FRMD5: variants seen among roughly 807,000 people sequenced by gnomAD.
FRMD5 encodes FERM domain-containing protein 5.
Under a neutral mutation model 69.0 loss-of-function variants are expected in FRMD5, and 20 were observed. That is an observed-to-expected ratio of 0.29 (90% CI 0.20 to 0.42). FRMD5 has a LOEUF of 0.42. Among genes scored for constraint, FRMD5 ranks in the 10% least tolerant of loss-of-function variants. The pLI is 1.00. For missense variants in FRMD5, 595 were observed against 708.6 expected, an observed-to-expected ratio of 0.84 and a Z score of 1.82; for synonymous variants, 271 against 260.1, an observed-to-expected ratio of 1.04 and a Z score of -0.40.
intron 1 of FRMD5, among the ~76,000 whole-genome samples, chr15:43,996,540 G>A (rs1161761510): frequency 6.6e-6 from 1 of 152,078 alleles, no homozygotes; most frequent in Non-Finnish European, 1.5e-5. Context: ...TCTTGTGAAG[G>A]TATTTTCATG....
chr15:44,035,470 G>A (rs977346488), intron 1 of FRMD5, among the ~76,000 whole-genome samples: 3 of 152,154 alleles, frequency 2.0e-5, no homozygotes, highest in African/African-American at 7.2e-5. Flanking sequence ...CAAACACACA[G>A]TATCCTGGAT....
At chr15:44,058,610 C>T (rs980796175) in intron 1 of FRMD5, among the ~76,000 whole-genome samples, 6 of 151,994 alleles carry the variant, frequency 3.9e-5, no homozygotes, top group South Asian at 2.1e-4. Context: ...CACAGTGAAA[C>T]CCCGTCTCTA....
chr15:43,963,102 C>G (rs1276231563), intron 1 of FRMD5, among the ~76,000 whole-genome samples: 5 of 152,222 alleles, frequency 3.3e-5, no homozygotes, highest in Non-Finnish European at 7.4e-5. Flanking sequence ...AAGAAACCAC[C>G]ATCAGAGTGA....
At chr15:43,947,273 A>G (rs879261745) in intron 1 of FRMD5, among the ~76,000 whole-genome samples, 2 of 152,220 alleles carry the variant, frequency 1.3e-5, no homozygotes, top group Non-Finnish European at 2.9e-5. Flanking sequence ...GAAGAATATT[A>G]GCTAGGAAAT....
chr15:43,961,120 T>C (rs1283237909), intron 1 of FRMD5, among the ~76,000 whole-genome samples: 1 of 151,982 alleles, frequency 6.6e-6, no homozygotes, highest in Non-Finnish European at 1.5e-5. Context: ...CAGGAGCTGG[T>C]TTTTTGAAAA....
intron 2 of FRMD5, among the ~76,000 whole-genome samples, chr15:43,923,031 A>G (rs183891800): frequency 7.0e-4 from 106 of 152,228 alleles, no homozygotes; most frequent in African/African-American, 2.6e-3. Flanking sequence ...TTACCTCTCT[A>G]CTTTGGTGGG....
chr15:43,954,298 G>C (rs1049649724), intron 1 of FRMD5, among the ~76,000 whole-genome samples: 1 of 152,202 alleles, frequency 6.6e-6, no homozygotes. Context: ...AGGCCTGCTG[G>C]AGGGCTGAGA....
At chr15:43,880,262 A>T (rs1223748798) in intron 13 of FRMD5, among the ~76,000 whole-genome samples, 4 of 152,180 alleles carry the variant, frequency 2.6e-5, no homozygotes, top group Non-Finnish European at 5.9e-5. Flanking sequence ...TATAGAAAAG[A>T]AAGTCTTTGG....
At chr15:44,051,160 T>A (rs1892647633) in intron 1 of FRMD5, among the ~76,000 whole-genome samples, 1 of 130,254 alleles carries the variant, frequency 7.7e-6, no homozygotes, top group Non-Finnish European at 1.6e-5. Flanking sequence ...TTTTTTTTTT[T>A]TTTTTTTTTG....
chr15:44,180,212 CAA>C (rs1284978919), intron 1 of FRMD5, among the ~76,000 whole-genome samples: 1 of 152,018 alleles, frequency 6.6e-6, no homozygotes, highest in Non-Finnish European at 1.5e-5. Flanking sequence ...TAATTACAGA[CAA>C]TATCATTTTT....
chr15:43,876,105 T>G, intron 13 of FRMD5: 1 of 1,432,764 alleles, frequency 7.0e-7, no homozygotes. Flanking sequence ...TTTGCCATGT[T>G]TTTCCCATAG....
chr15:44,145,999 CACTTT>C (rs1253867778), intron 1 of FRMD5, among the ~76,000 whole-genome samples: 1 of 152,106 alleles, frequency 6.6e-6, no homozygotes, highest in African/African-American at 2.4e-5. Flanking sequence ...ATTGAACTTT[CACTTT>C]AAACTTTTTA....
intron 1 of FRMD5, among the ~76,000 whole-genome samples, chr15:44,177,201 A>G (rs1227825139): frequency 6.6e-6 from 1 of 152,180 alleles, no homozygotes; most frequent in Non-Finnish European, 1.5e-5. Context: ...ATACTTCCAC[A>G]CAAAAACTTG....
intron 1 of FRMD5, among the ~76,000 whole-genome samples, chr15:43,955,813 A>ATT (rs769415364): frequency 6.8e-6 from 1 of 146,324 alleles, no homozygotes; most frequent in African/African-American, 2.5e-5. Context: ...CACTTCAGAG[A>ATT]TTTTTTTTTT....
chr15:43,948,322 T>C (rs1375738570), intron 1 of FRMD5, among the ~76,000 whole-genome samples: 1 of 152,182 alleles, frequency 6.6e-6, no homozygotes, highest in Non-Finnish European at 1.5e-5. Context: ...ACTGTTAGGA[T>C]ATAGTGGTAG....
Position 44,073,973 on chromosome 15 carries a change from A to C in FRMD5, c.102+120980T>G, listed in dbSNP as rs148919953. Among the ~76,000 whole-genome samples, 732 of 152,276 alleles carry C rather than the reference A, an allele frequency of 4.8e-3. 12 individuals are homozygous for C. The highest frequency in any genetic ancestry group is 0.017 in the African/African-American group (700 of 41,550). ...TCTGTCCAAATTTATGTTAACAGTAATCCAACACCATGTATTCTTAAAAAG... is the reference window on the plus strand; with the variant it reads ...TCTGTCCAAATTTATGTTAACAGTACTCCAACACCATGTATTCTTAAAAAG... On this transcript the variant is annotated intron_variant, in intron 1 of 13. Transcript: ENST00000417257.
intron 1 of FRMD5, among the ~76,000 whole-genome samples, chr15:43,965,403 ATGAT>A (rs1043628961): frequency 2.0e-5 from 3 of 152,094 alleles, no homozygotes; most frequent in Non-Finnish European, 4.4e-5. Context: ...TTTCTAGTTT[ATGAT>A]TGAAGAAGCT....
intron 2 of FRMD5, among the ~76,000 whole-genome samples, chr15:43,920,498 T>C (rs1407550433): frequency 6.6e-6 from 1 of 152,172 alleles, no homozygotes; most frequent in Admixed American, 6.5e-5. Context: ...AGGCAGGACA[T>C]AGAGGCAGAA....
chr15:43,966,759 C>T (rs542322551), intron 1 of FRMD5, among the ~76,000 whole-genome samples: 1 of 152,242 alleles, frequency 6.6e-6, no homozygotes, highest in East Asian at 1.9e-4. Context: ...GGTTAGAGAC[C>T]AAGCACTGGA....
Sources: allele counts gnomAD v4.1 joint callset (sites outside exome capture counted in the v4.1 genomes callset), GRCh38; gene constraint gnomAD v4.1.1; transcripts MANE v1.5; gene names NCBI Gene and HGNC (gene_info 2026-07-23, HGNC 2026-07-21).